The following EIF4G3 variants were observed in gnomAD, a reference collection of about 807,000 sequenced individuals.
EIF4G3 encodes eukaryotic translation initiation factor 4 gamma 3, also known as eIF-4-gamma 3.
A neutral mutation model predicts 186.4 loss-of-function variants in EIF4G3; 34 were observed. The observed-to-expected ratio is 0.18, with a 90% CI of 0.14 to 0.24. EIF4G3 has a LOEUF of 0.24. Ranked by LOEUF, EIF4G3 falls within the 10% of genes least tolerant of loss-of-function variation. The probability of loss-of-function intolerance (pLI) is 1.00; values close to 1 mark genes in which losing one functional copy is unlikely to be tolerated. For missense variants in EIF4G3, 1,536 were observed against 1,948.5 expected (o/e 0.79, Z 3.99); for synonymous variants, 673 against 679.5 (o/e 0.99, Z 0.15).
chr1:21,042,204 C>T (rs1161404924), intron 4 of EIF4G3, among the ~76,000 whole-genome samples: 9 of 152,088 alleles, frequency 5.9e-5, no homozygotes, highest in Non-Finnish European at 2.9e-5. Context: ...TCTGAAACTC[C>T]TGAGCGCAAG....
intron 4 of EIF4G3, among the ~76,000 whole-genome samples, chr1:21,023,416 G>A (rs889162963): frequency 1.3e-5 from 2 of 151,608 alleles, no homozygotes; most frequent in African/African-American, 4.8e-5. Context: ...TTGCAGGCAC[G>A]CGCCGCCATG....
chr1:21,010,132 A>T (rs1015257587), intron 4 of EIF4G3, among the ~76,000 whole-genome samples: 1 of 152,230 alleles, frequency 6.6e-6, no homozygotes, highest in Non-Finnish European at 1.5e-5. Flanking sequence ...AATTTTATTC[A>T]ATTTAAATTT....
chr1:21,077,401 GA>G (rs751211348), intron 3 of EIF4G3, among the ~76,000 whole-genome samples: 125 of 98,674 alleles, frequency 1.3e-3, no homozygotes, highest in Admixed American at 1.4e-3. Context: ...GCCCTGTCTA[GA>G]AAAAAAAAAA....
intron 34 of EIF4G3, among the ~76,000 whole-genome samples, chr1:20,813,790 G>A (rs2059757691): frequency 6.7e-6 from 1 of 149,270 alleles, no homozygotes; most frequent in African/African-American, 2.5e-5. Context: ...AGGCTGCAGT[G>A]AGCCAAGATT....
chr1:20,899,852 G>C lies in EIF4G3; in HGVS notation c.1844C>G (p.Ser615Cys). ...CACAGCTTTCACTTTTTTTAGGTCA[G>C]AGGGGTCTCTTTCAGGATGAAACCC... ...SQGFHPERDP[S>C]DLKKVKAVEE... Residue 615 changes from serine to cysteine, a missense_variant, in exon 16 of 37, where the codon TCT becomes TGT. Transcript: ENST00000602326. 1 of 1,614,062 alleles carries C rather than the reference G, an allele frequency of 6.2e-7. No individual in the cohort carries two copies. The highest frequency in any genetic ancestry group is 1.1e-5 in the South Asian group (1 of 91,072).
chr1:20,817,664 G>C, intron 33 of EIF4G3, 126 bp from the exon 34 acceptor site: 1 of 461,178 alleles, frequency 2.2e-6, no homozygotes, highest in Non-Finnish European at 3.4e-6. Flanking sequence ...ATCAGCAGAG[G>C]CTATTTTATG....
chr1:20,994,347 T>A (rs1482379958), intron 7 of EIF4G3, among the ~76,000 whole-genome samples: 6 of 152,188 alleles, frequency 3.9e-5, no homozygotes, highest in African/African-American at 1.4e-4. Flanking sequence ...TCCAACCCCA[T>A]GTCTTTCTTC....
intron 30 of EIF4G3, among the ~76,000 whole-genome samples, chr1:20,840,400 G>A (rs2068180650): frequency 6.6e-6 from 1 of 152,216 alleles, no homozygotes; most frequent in South Asian, 2.1e-4. Flanking sequence ...TTCTCCATGA[G>A]GCTAGAGTGG....
chr1:20,838,673 G>A (rs907838869), intron 30 of EIF4G3, among the ~76,000 whole-genome samples: 17 of 152,008 alleles, frequency 1.1e-4, no homozygotes, highest in Admixed American at 2.0e-4. Context: ...CTAGCTTATT[G>A]CTGAAAGAAA....
At chr1:20,852,448 T>A (rs1158244920) in intron 27 of EIF4G3, among the ~76,000 whole-genome samples, 1 of 152,316 alleles carries the variant, frequency 6.6e-6, no homozygotes. Flanking sequence ...AATGATACCT[T>A]TTTATTTAGA....
At chr1:20,876,689 T>C (rs1418750553) in intron 20 of EIF4G3, among the ~76,000 whole-genome samples, 2 of 152,178 alleles carry the variant, frequency 1.3e-5, no homozygotes, top group Non-Finnish European at 2.9e-5. Flanking sequence ...AATAGGTTGT[T>C]ATCTTATAAT....
intron 3 of EIF4G3, among the ~76,000 whole-genome samples, chr1:21,053,483 G>GC: frequency 6.8e-6 from 1 of 147,176 alleles, no homozygotes; most frequent in East Asian, 2.1e-4. Context: ...CTGCCCGGCC[G>GC]CCCCTACTGG....
At chr1:21,121,102 C>G (rs918327272) in intron 2 of EIF4G3, among the ~76,000 whole-genome samples, 4 of 152,052 alleles carry the variant, frequency 2.6e-5, no homozygotes, top group African/African-American at 9.7e-5. Context: ...ATATTTTATA[C>G]AGACAGTGTC....
chr1:20,934,788 G>A (rs1268492689), intron 14 of EIF4G3, among the ~76,000 whole-genome samples: 2 of 152,068 alleles, frequency 1.3e-5, no homozygotes. Context: ...AGGAAAAAGA[G>A]GAAAATCACA....
At chr1:20,911,773 T>A (rs1050069149) in intron 14 of EIF4G3, among the ~76,000 whole-genome samples, 2 of 151,974 alleles carry the variant, frequency 1.3e-5, no homozygotes, top group African/African-American at 4.8e-5. Flanking sequence ...ACATTTTTTC[T>A]ATTTCCTTGG....
intron 14 of EIF4G3, among the ~76,000 whole-genome samples, chr1:20,939,116 TAAAAAA>T (rs3051247): frequency 7.7e-6 from 1 of 129,720 alleles, no homozygotes; most frequent in Non-Finnish European, 1.6e-5. Context: ...TAAAAAAAAT[TAAAAAA>T]AAAAAAAAAA....
chr1:21,045,332 T>A (rs2093820313), intron 4 of EIF4G3, among the ~76,000 whole-genome samples: 1 of 152,146 alleles, frequency 6.6e-6, no homozygotes, highest in Non-Finnish European at 1.5e-5. Context: ...AGCATCACGA[T>A]CAAGCAATAC....
intron 10 of EIF4G3, among the ~76,000 whole-genome samples, chr1:20,976,133 T>G (rs1188046027): frequency 1.4e-5 from 2 of 143,240 alleles, no homozygotes; most frequent in African/African-American, 6.0e-5. Context: ...CACAGAGGTT[T>G]TTTTTTTTAT....
At chr1:20,901,241 T>C (rs928894850) in intron 15 of EIF4G3, among the ~76,000 whole-genome samples, 2 of 152,142 alleles carry the variant, frequency 1.3e-5, no homozygotes, top group Admixed American at 6.5e-5. Context: ...GTAGGTATCA[T>C]TTAAACATTG....
Sources: allele counts gnomAD v4.1 joint callset (sites outside exome capture counted in the v4.1 genomes callset), GRCh38; gene constraint gnomAD v4.1.1; transcripts MANE v1.5; gene names NCBI Gene and HGNC (gene_info 2026-07-23, HGNC 2026-07-21).